Variants in ADAMTSL1 observed in about 807,000 individuals in gnomAD.
The protein encoded by ADAMTSL1 is ADAMTS like 1, also known as ADAMTS-like protein 1.
Under a neutral mutation model 201.8 loss-of-function variants are expected in ADAMTSL1, and 126 were observed. The observed-to-expected ratio is 0.62, with a 90% CI of 0.54 to 0.72. The LOEUF is 0.72. Ranked by LOEUF, ADAMTSL1 falls within the 30% of genes least tolerant of loss-of-function variation. The pLI, the probability that ADAMTSL1 is intolerant of heterozygous loss-of-function variation, is 0.00. For missense variants in ADAMTSL1, 2,679 were observed against 2,277.8 expected, an observed-to-expected ratio of 1.18 and a Z score of -3.59; for synonymous variants, 1,121 against 903.4, an observed-to-expected ratio of 1.24 and a Z score of -4.32.
intron 1 of ADAMTSL1, among the ~76,000 whole-genome samples, chr9:18,102,567 G>C (rs1254505799): frequency 6.6e-6 from 1 of 152,172 alleles, no homozygotes; most frequent in Non-Finnish European, 1.5e-5. Flanking sequence ...AAATGTCTTG[G>C]ATGATGAATA....
At chr9:18,144,267 C>T (rs901331967) in intron 1 of ADAMTSL1, among the ~76,000 whole-genome samples, 12 of 151,946 alleles carry the variant, frequency 7.9e-5, no homozygotes, top group African/African-American at 2.9e-4. Flanking sequence ...AGTGCAGTGG[C>T]GCGATCTTGG....
chr9:18,089,616 G>A (rs10756932), intron 1 of ADAMTSL1, among the ~76,000 whole-genome samples: 80,467 of 151,958 alleles, frequency 0.53, 22,116 homozygotes, highest in African/African-American at 0.67. Flanking sequence ...AATAAAAAAG[G>A]AAAAGTATGG....
At chr9:18,600,509 C>A (rs1050515552) in intron 4 of ADAMTSL1, among the ~76,000 whole-genome samples, 1 of 152,158 alleles carries the variant, frequency 6.6e-6, no homozygotes, top group Admixed American at 6.5e-5. Context: ...GAATTTTAAG[C>A]CCCTGAGAAT....
At position 18,889,617 on chromosome 9, in the gene ADAMTSL1, T is replaced by C. The variant is rs745639808; in HGVS notation, c.4512T>C (p.Gly1504=). The C allele has an allele frequency of 5.6e-6, 9 of 1,613,640 alleles. No homozygotes were observed. Among genetic ancestry groups the C allele is most frequent in the Non-Finnish European group, 6.8e-6 (8 of 1,179,800 alleles). The change falls in exon 25 of 29, where the codon GGT becomes GGC. Residue 1504 remains glycine (G), a synonymous_variant. Coordinates refer to ENST00000380548, the MANE Select transcript of ADAMTSL1 (RefSeq NM_001040272.6). ...TGGCAACCTGCTCAGCCTCCTGTGG[T>C]AACCGGGGGGTTCAGCAGCCCCGCT... ...DRLATCSASC[G]NRGVQQPRLR... is the part of the protein sequence containing the mutation.
At chr9:18,538,026 G>C (rs1296918321) in intron 3 of ADAMTSL1, among the ~76,000 whole-genome samples, 1 of 151,976 alleles carries the variant, frequency 6.6e-6, no homozygotes, top group East Asian at 1.9e-4. Context: ...GGAGAAGGAG[G>C]AAGCTCCTGG....
At chr9:18,190,593 C>T (rs1944740) in intron 2 of ADAMTSL1, among the ~76,000 whole-genome samples, 13 of 152,118 alleles carry the variant, frequency 8.5e-5, no homozygotes, top group African/African-American at 2.9e-4. Context: ...ATTGATTTCT[C>T]GCACTGAGTC....
chr9:18,785,951 C>T (rs1445705715), intron 19 of ADAMTSL1, among the ~76,000 whole-genome samples: 1 of 152,152 alleles, frequency 6.6e-6, no homozygotes, highest in East Asian at 1.9e-4. Flanking sequence ...CTGATAGCAC[C>T]ACACTGTCAG....
intron 2 of ADAMTSL1, among the ~76,000 whole-genome samples, chr9:18,265,168 A>G (rs911112249): frequency 7.9e-5 from 12 of 152,160 alleles, no homozygotes; most frequent in African/African-American, 2.9e-4. Context: ...CACTGACCTA[A>G]GCTCCAGACA....
intron 15 of ADAMTSL1, among the ~76,000 whole-genome samples, chr9:18,734,986 A>C (rs902857949): frequency 2.6e-5 from 4 of 152,212 alleles, no homozygotes; most frequent in African/African-American, 9.6e-5. Flanking sequence ...ATAATGCAAT[A>C]ATCATTATGC....
At chr9:18,083,891 C>G (rs937735811) in intron 1 of ADAMTSL1, among the ~76,000 whole-genome samples, 15 of 152,092 alleles carry the variant, frequency 9.9e-5, no homozygotes, top group African/African-American at 3.6e-4. Context: ...ATTCTTTGCC[C>G]CAGTTCTTGT....
intron 2 of ADAMTSL1, among the ~76,000 whole-genome samples, chr9:18,243,366 C>T (rs1831139851): frequency 6.6e-6 from 1 of 152,140 alleles, no homozygotes; most frequent in Non-Finnish European, 1.5e-5. Flanking sequence ...AATCAGCTCA[C>T]TCCATTACAG....
At chr9:18,572,738 T>C (rs1396183092) in intron 3 of ADAMTSL1, among the ~76,000 whole-genome samples, 2 of 152,210 alleles carry the variant, frequency 1.3e-5, no homozygotes, top group African/African-American at 2.4e-5. Context: ...AGTGCTGTTT[T>C]AGAATGCTTA....
intron 1 of ADAMTSL1, among the ~76,000 whole-genome samples, chr9:17,944,535 G>T (rs1827376316): frequency 6.6e-6 from 1 of 151,200 alleles, no homozygotes; most frequent in African/African-American, 2.4e-5. Flanking sequence ...GAACAAAGCT[G>T]GAGGCATCAC....
intron 2 of ADAMTSL1, among the ~76,000 whole-genome samples, chr9:18,249,605 G>C (rs114171270): frequency 6.6e-6 from 1 of 152,070 alleles, no homozygotes; most frequent in Non-Finnish European, 1.5e-5. Flanking sequence ...TACTGTTATT[G>C]TTTCATGCTT....
At chr9:18,195,380 T>A (rs1587283685) in intron 2 of ADAMTSL1, among the ~76,000 whole-genome samples, 1 of 152,108 alleles carries the variant, frequency 6.6e-6, no homozygotes, top group Non-Finnish European at 1.5e-5. Flanking sequence ...GGCACTTTTA[T>A]GATTTTATTT....
intron 19 of ADAMTSL1, among the ~76,000 whole-genome samples, chr9:18,795,034 A>G (rs67877183): frequency 0.25 from 38,515 of 152,024 alleles, 4,989 homozygotes; most frequent in Admixed American, 0.32. Flanking sequence ...TTTCCTTAAT[A>G]AGCCTTCCCC....
intron 2 of ADAMTSL1, among the ~76,000 whole-genome samples, chr9:18,188,496 T>C (rs1241112703): frequency 6.6e-6 from 1 of 152,158 alleles, no homozygotes; most frequent in Non-Finnish European, 1.5e-5. Context: ...CTCTAGAAGA[T>C]GAATTTACTT....
At chr9:18,500,084 A>G (rs1822755062) in intron 1 of ADAMTSL1, among the ~76,000 whole-genome samples, 1 of 152,228 alleles carries the variant, frequency 6.6e-6, no homozygotes, top group African/African-American at 2.4e-5. Flanking sequence ...TAAGTGGTAC[A>G]TAGGAGGTCA....
intron 2 of ADAMTSL1, among the ~76,000 whole-genome samples, chr9:18,220,903 T>C (rs1482222842): frequency 1.3e-5 from 2 of 151,970 alleles, no homozygotes; most frequent in African/African-American, 2.4e-5. Flanking sequence ...CCCTCCCAAG[T>C]AGCTGGGACT....
Sources: allele counts gnomAD v4.1 joint callset (sites outside exome capture counted in the v4.1 genomes callset), GRCh38; gene constraint gnomAD v4.1.1; transcripts MANE v1.5; gene names NCBI Gene and HGNC (gene_info 2026-07-23, HGNC 2026-07-21).